HRG: variants seen among roughly 807,000 people sequenced by gnomAD.
HRG encodes histidine rich glycoprotein.
In HRG, 26 loss-of-function variants were observed where a neutral mutation model predicts 29.5. That is an observed-to-expected ratio of 0.88 (90% confidence interval 0.65 to 1.22). The LOEUF is 1.22. Among genes scored for constraint, HRG ranks in the 50% most tolerant of loss-of-function variants. HRG has a pLI of 0.00. For synonymous variants in HRG, 243 were observed against 240.4 expected (o/e 1.01, Z -0.10); for missense variants, 671 against 654.5 (o/e 1.03, Z -0.28).
chr3:186,666,198 C>T lies in HRG; in HGVS notation c.167C>T (p.Ala56Val), dbSNP rs149992908. ...TTCCAATTGCTGCGGATTGCTGATG[C>T]CCACTTGGACAGAGTGGTGAGGAAT... ...YLFQLLRIAD[A>V]HLDRVENTTV... The change falls in exon 1 of 7, where the codon GCC becomes GTC. Residue 56 changes from alanine to valine, a missense_variant. Physicochemically the swap from Ala to Val is moderately conservative, Grantham distance 64. Coordinates refer to ENST00000232003, the MANE Select transcript of HRG (RefSeq NM_000412.5). 1.4e-3 allele frequency: 2,248 copies of T among 1,613,882 alleles called. 3 individuals are homozygous for T. The highest frequency in any genetic ancestry group is 1.8e-3 in the Non-Finnish European group (2,102 of 1,179,898).
At chr3:186,671,997 T>G (rs1222193177) in intron 4 of HRG, among the ~76,000 whole-genome samples, 2 of 150,556 alleles carry the variant, frequency 1.3e-5, no homozygotes, top group Non-Finnish European at 3.0e-5. Context: ...TTTTGAAGGA[T>G]GGGTAGGGGA....
In HRG at chr3:186,672,953, GGAAGGAGAA is replaced by G. The variant is rs539930881; in HGVS notation, c.639+98_639+106del. On this transcript the variant is annotated intron_variant, in intron 5 of 6. Transcript: ENST00000232003. Reference sequence around the variant, plus strand: ...AAGGAGAAGGAGAAGGAGAAGGAGAGGAAGGAGAAGAAGGAGAAGAGGAATGAGAAGGAG... The same window carrying G: ...AAGGAGAAGGAGAAGGAGAAGGAGAGGAAGGAGAAGAGGAATGAGAAGGAG... 1,130 of 892,696 alleles carry G rather than the reference GGAAGGAGAA, an allele frequency of 1.3e-3. 10 individuals carry two copies. In the African/African-American group the frequency reaches 0.017, roughly 14 times the overall value. 55.3% of individuals were successfully genotyped at this position (892,696 alleles called of 1,614,324 possible). A position where few individuals can be genotyped will look rare whatever the true frequency, so the allele number is the denominator to read the frequency against.
chr3:186,675,298 T>TGAGA (rs1458279876), intron 6 of HRG, 108 bp downstream of exon 6: 143 of 618,332 alleles, frequency 2.3e-4, no homozygotes, highest in African/African-American at 1.5e-3. Context: ...TGTGTGTGTG[T>TGAGA]GTGTGTGTGT....
chr3:186,671,612 T>C lies in HRG; in HGVS notation c.392-11T>C. 1 of 1,613,512 alleles carries C rather than the reference T, an allele frequency of 6.2e-7. No homozygotes were observed. Among genetic ancestry groups the C allele is most frequent in the Non-Finnish European group, 8.5e-7 (1 of 1,179,446 alleles). ...GCCCTTTACTGTGACACTGCTATCT[T>C]CTTTCTCCAGTCTCTTCAGCACTGG... On this transcript the variant is annotated splice_polypyrimidine_tract_variant and intron_variant, in intron 3 of 6. Coordinates refer to ENST00000232003, the MANE Select transcript of HRG (RefSeq NM_000412.5).
rs1294787135 is a variant in HRG at position 186,669,015 on chromosome 3, C to T, written c.264C>T (p.Asp88=). ...TCCTATCCAGGAAATACTGGAATGA[C>T]TGTGAGCCACCTGATTCCAGACGTC... ...CSVLSRKYWN[D]CEPPDSRRPS... Residue 88 remains aspartate, a synonymous_variant, in exon 2 of 7, where the codon GAC becomes GAT. Coordinates refer to ENST00000232003, the MANE Select transcript of HRG (RefSeq NM_000412.5). The T allele has an allele frequency of 6.2e-7, 1 of 1,609,200 alleles. No individual in the cohort carries two copies. Among genetic ancestry groups the T allele is most frequent in the East Asian group, 2.2e-5 (1 of 44,868 alleles).
In HRG at chr3:186,672,813, C is replaced by G; in HGVS notation, c.585C>G (p.Phe195Leu). The change falls in exon 5 of 7, where the codon TTC (phenylalanine) becomes TTG (leucine). Residue 195 changes from phenylalanine (F) to leucine (L), a missense_variant. By Grantham distance (22) the Phe-to-Leu change is conservative (BLOSUM62 0). Transcript: ENST00000232003. ...RVRGGEGTGY[F>L]VDFSVRNCPR... ...GAGGAGGGGAAGGAACTGGTTACTT[C>G]GTGGACTTCTCTGTGCGGAACTGCC... 1 of 1,612,004 alleles carries G rather than the reference C, an allele frequency of 6.2e-7. No homozygotes were observed. The highest frequency in any genetic ancestry group is 8.5e-7 in the Non-Finnish European group (1 of 1,178,128).
At chr3:186,671,539 A>G (rs1718790462) in intron 3 of HRG, 84 bp from the exon 4 acceptor site, 2 of 1,416,330 alleles carry the variant, frequency 1.4e-6, no homozygotes, top group African/African-American at 1.4e-5. Flanking sequence ...CATCCTTAAA[A>G]TGAAAGTTAT....
Position 186,677,932 on chromosome 3 carries a change from C to A in HRG, c.*49C>A. ...AATGAATAATACATTGAATTAGAAACATAAATAAAATGACCAGTAATTGTG... is the reference window on the plus strand; with the variant it reads ...AATGAATAATACATTGAATTAGAAAAATAAATAAAATGACCAGTAATTGTG... On this transcript the variant is annotated 3_prime_UTR_variant, in exon 7 of 7. Coordinates refer to ENST00000232003, the MANE Select transcript of HRG (RefSeq NM_000412.5). 1 of 1,545,494 alleles carries A rather than the reference C, an allele frequency of 6.5e-7. No homozygotes were observed. The highest frequency in any genetic ancestry group is 8.9e-7 in the Non-Finnish European group (1 of 1,120,470).
At chr3:186,669,174 A>G (rs767406682) in intron 2 of HRG, 123 bp downstream of exon 2, 1 of 768,558 alleles carries the variant, frequency 1.3e-6, no homozygotes, top group Non-Finnish European at 2.4e-6. Flanking sequence ...CTTGAGATTC[A>G]TGAAGATGAT....
intron 6 of HRG, among the ~76,000 whole-genome samples, chr3:186,675,682 C>T (rs1245257722): frequency 6.6e-6 from 1 of 151,946 alleles, no homozygotes; most frequent in Non-Finnish European, 1.5e-5. Context: ...AAATAAGATG[C>T]AAAACCATAT....
intron 5 of HRG, chr3:186,673,249 A>ACG (rs1718864110): frequency 3.1e-6 from 1 of 326,684 alleles, no homozygotes; most frequent in East Asian, 7.7e-5. Flanking sequence ...GATTACAGGC[A>ACG]TGCACCACCA....
chr3:186,676,320 A>G (rs1718987637), intron 6 of HRG, among the ~76,000 whole-genome samples: 1 of 152,198 alleles, frequency 6.6e-6, no homozygotes, highest in African/African-American at 2.4e-5. Context: ...GTTGGTCTAC[A>G]GATGGGTGCC....
Position 186,677,566 on chromosome 3 carries a change from C to T in HRG, c.1261C>T (p.Pro421Ser), listed in dbSNP as rs139458490. 6.2e-7 allele frequency: 1 copy of T among 1,614,036 alleles called. No individual in the cohort carries two copies. Among genetic ancestry groups the T allele is most frequent in the African/African-American group, 1.3e-5 (1 of 75,038 alleles). ...AGACTATGGACCTTGTGACCCACCA[C>T]CCCATAACCAAGGTCACTGTTGCCA... ...FQDYGPCDPP[P>S]HNQGHCCHGH... is the part of the protein sequence containing the mutation. The change falls in exon 7 of 7, where the codon CCC becomes TCC. Residue 421 changes from proline to serine, a missense_variant. Coordinates refer to ENST00000232003, the MANE Select transcript of HRG (RefSeq NM_000412.5).
chr3:186,673,733 C>G (rs1443275242), intron 5 of HRG: 11 of 152,150 alleles, frequency 7.2e-5, no homozygotes, highest in African/African-American at 2.4e-4. Flanking sequence ...TGCCGATGTT[C>G]ACAACCAAGC....
rs796466286 is a variant in HRG, at chr3:186,675,291, GT to G, written c.741+102del. The G allele has an allele frequency of 7.7e-5, 41 of 533,126 alleles. No homozygotes were observed. The African/African-American group carries it at 9.7e-4, about 13-fold the overall frequency. 33.0% of individuals were successfully genotyped at this position (533,126 alleles called of 1,614,324 possible). A position where few individuals can be genotyped will look rare whatever the true frequency, so the allele number is the denominator to read the frequency against. On this transcript the variant is annotated intron_variant, in intron 6 of 6. Coordinates refer to ENST00000232003, the MANE Select transcript of HRG (RefSeq NM_000412.5). ...CCTAAAGCTCTATGAGTGGGTGTGTGTGTGTGTGTGTGTGTGTGAGAGAGAG... is the reference window on the plus strand; with the variant it reads ...CCTAAAGCTCTATGAGTGGGTGTGTGGTGTGTGTGTGTGTGTGAGAGAGAG...
intron 2 of HRG, chr3:186,669,724 C>T (rs958208513): frequency 9.3e-5 from 55 of 591,224 alleles, no homozygotes; most frequent in Middle Eastern, 9.1e-4. Flanking sequence ...AATAGTTTCT[C>T]GCTGGTTCTC....
intron 1 of HRG, among the ~76,000 whole-genome samples, chr3:186,667,612 G>GCT (rs912008349): frequency 1.1e-4 from 17 of 152,140 alleles, no homozygotes; most frequent in Admixed American, 9.8e-4. Context: ...ATGGGAGGAG[G>GCT]CTTCTGCTGT....
intron 1 of HRG, among the ~76,000 whole-genome samples, chr3:186,667,487 G>A (rs1010550985): frequency 1.3e-5 from 2 of 151,968 alleles, no homozygotes; most frequent in African/African-American, 4.8e-5. Flanking sequence ...GACTCAGCAC[G>A]CCAAAAGTAC....
intron 1 of HRG, 141 bp downstream of exon 1, chr3:186,666,355 T>G (rs1351257118): frequency 1.3e-5 from 10 of 793,252 alleles, no homozygotes; most frequent in Non-Finnish European, 1.7e-5. Context: ...TGCTCTAAAT[T>G]GTTCTTTTTT....
Sources: allele counts gnomAD v4.1 joint callset (sites outside exome capture counted in the v4.1 genomes callset), GRCh38; gene constraint gnomAD v4.1.1; transcripts MANE v1.5; gene names NCBI Gene and HGNC (gene_info 2026-07-23, HGNC 2026-07-21).